The following AFAP1 variants were observed in gnomAD, a reference collection of about 807,000 sequenced individuals.
The protein encoded by AFAP1 is actin filament-associated protein 1.
In AFAP1, 75 loss-of-function variants were observed where a neutral mutation model predicts 93.9. That is an observed-to-expected ratio of 0.80 (90% confidence interval 0.66 to 0.97). The LOEUF (loss-of-function observed/expected upper bound fraction) is 0.97. AFAP1 is among the 50% of genes least tolerant of loss of function. The pLI is 0.00. For synonymous variants in AFAP1, 517 were observed against 430.7 expected, an observed-to-expected ratio of 1.20 and a Z score of -2.48; for missense variants, 1,201 against 1,050.8, an observed-to-expected ratio of 1.14 and a Z score of -1.98.
At chr4:7,769,689 A>G (rs62291984) in intron 16 of AFAP1, among the ~76,000 whole-genome samples, 31,860 of 152,160 alleles carry the variant, frequency 0.21, 4,367 homozygotes, top group Non-Finnish European at 0.3. Flanking sequence ...CTCTCAAATG[A>G]AGTCTCCAAG....
intron 8 of AFAP1, among the ~76,000 whole-genome samples, chr4:7,812,798 T>C (rs1464669699): frequency 6.6e-6 from 1 of 152,198 alleles, no homozygotes; most frequent in African/African-American, 2.4e-5. Flanking sequence ...TTTTTAGTAT[T>C]ATTATTTAGG....
intron 1 of AFAP1, among the ~76,000 whole-genome samples, chr4:7,887,704 G>A (rs990493035): frequency 3.3e-5 from 5 of 151,456 alleles, no homozygotes; most frequent in Non-Finnish European, 7.4e-5. Flanking sequence ...ACTCTTACTG[G>A]GCAACACATG....
chr4:7,803,913 CCA>C (rs1453542030), intron 9 of AFAP1, among the ~76,000 whole-genome samples: 3 of 152,130 alleles, frequency 2.0e-5, no homozygotes, highest in East Asian at 1.9e-4. Context: ...GCAGGTAAAT[CCA>C]CAGTCACCTG....
chr4:7,804,077 G>A (rs187839657), intron 9 of AFAP1, among the ~76,000 whole-genome samples: 1 of 152,290 alleles, frequency 6.6e-6, no homozygotes, highest in African/African-American at 2.4e-5. Context: ...TAGAGTCAGG[G>A]GGTCCTCTGG....
intron 3 of AFAP1, among the ~76,000 whole-genome samples, chr4:7,857,757 T>C (rs1030262537): frequency 3.9e-5 from 6 of 152,216 alleles, no homozygotes; most frequent in African/African-American, 1.4e-4. Context: ...AAACAAACTA[T>C]TCATGTCCTG....
At chr4:7,862,268 G>C (rs62289320) in intron 3 of AFAP1, 47,108 of 152,122 alleles carry the variant, frequency 0.31, 8,962 homozygotes, top group Non-Finnish European at 0.44. Context: ...GGGAGGTCAA[G>C]GCTGCAGTGA....
intron 1 of AFAP1, among the ~76,000 whole-genome samples, chr4:7,897,324 T>A (rs1718844688): frequency 6.6e-6 from 1 of 152,182 alleles, no homozygotes; most frequent in South Asian, 2.1e-4. Context: ...TAGGAAAACA[T>A]GTAAGAACTG....
In AFAP1 at chr4:7,780,633, G is replaced by C. The variant is rs930499971; in HGVS notation, c.1782+743C>G. On this transcript the variant is annotated intron_variant, in intron 13 of 17. Transcript: ENST00000420658. ...TCAAGTCCTGCCTGGGCAACATAGT[G>C]AGACTTCATCTTTTTTTTTTTTTTT... Among the ~76,000 whole-genome samples, 64 of 150,054 alleles carry C rather than the reference G, an allele frequency of 4.3e-4. 1 individual carries two copies. Among genetic ancestry groups the C allele is most frequent in the African/African-American group, 1.5e-3 (59 of 39,896 alleles).
intron 1 of AFAP1, among the ~76,000 whole-genome samples, chr4:7,935,252 G>A (rs1002503372): frequency 6.6e-6 from 1 of 152,126 alleles, no homozygotes; most frequent in Non-Finnish European, 1.5e-5. Flanking sequence ...GAGTTAGGCA[G>A]AACAGGTGTT....
At chr4:7,909,689 T>C (rs1456286440) in intron 1 of AFAP1, among the ~76,000 whole-genome samples, 1 of 152,184 alleles carries the variant, frequency 6.6e-6, no homozygotes, top group Admixed American at 6.5e-5. Context: ...ATGTGTATGA[T>C]TCAGGACTCC....
intron 11 of AFAP1, among the ~76,000 whole-genome samples, chr4:7,787,718 C>T (rs940508977): frequency 6.6e-6 from 1 of 152,150 alleles, no homozygotes; most frequent in Non-Finnish European, 1.5e-5. Context: ...GAGGGCAGGC[C>T]GGGCCACGCC....
At chr4:7,907,387 G>A (rs1358831706) in intron 1 of AFAP1, among the ~76,000 whole-genome samples, 1 of 152,308 alleles carries the variant, frequency 6.6e-6, no homozygotes, top group East Asian at 1.9e-4. Flanking sequence ...GCCTAAGGAA[G>A]ATGAATTGAA....
intron 4 of AFAP1, among the ~76,000 whole-genome samples, chr4:7,852,833 C>T (rs1279525183): frequency 3.9e-5 from 6 of 152,134 alleles, no homozygotes; most frequent in African/African-American, 1.2e-4. Context: ...AGGCCCCCAC[C>T]ATCTCACATA....
At chr4:7,883,486 A>T (rs1370433052) in intron 1 of AFAP1, among the ~76,000 whole-genome samples, 3 of 152,290 alleles carry the variant, frequency 2.0e-5, no homozygotes, top group Non-Finnish European at 4.4e-5. Flanking sequence ...AAACAAGTCA[A>T]AGAGGCCCAT....
chr4:7,855,588 GAA>G lies in AFAP1; in HGVS notation c.226-16_226-15del, dbSNP rs1560201877. On this transcript the variant is annotated splice_polypyrimidine_tract_variant and intron_variant, in intron 3 of 17. Coordinates refer to ENST00000420658, the MANE Select transcript of AFAP1 (RefSeq NM_001134647.2). ...ACTGTCAGGAGGCTGAGGAAGAAAG[GAA>G]AAGTGACACAGAAATTAGCATGACC... The G allele has an allele frequency of 6.3e-7, 1 of 1,578,824 alleles. No individual in the cohort carries two copies. The highest frequency in any genetic ancestry group is 1.3e-5 in the African/African-American group (1 of 74,218).
chr4:7,784,448 A>G (rs905585872), intron 12 of AFAP1, among the ~76,000 whole-genome samples: 2 of 152,150 alleles, frequency 1.3e-5, no homozygotes, highest in Non-Finnish European at 2.9e-5. Context: ...GACAAAGACA[A>G]TCGCTTCACC....
chr4:7,830,033 GC>G (rs1287873538), intron 6 of AFAP1, among the ~76,000 whole-genome samples: 6 of 152,236 alleles, frequency 3.9e-5, no homozygotes, highest in African/African-American at 1.4e-4. Flanking sequence ...AAATGTTATA[GC>G]CTGTAATAAA....
intron 8 of AFAP1, among the ~76,000 whole-genome samples, chr4:7,812,375 C>G (rs774777893): frequency 6.6e-6 from 1 of 151,988 alleles, no homozygotes; most frequent in African/African-American, 2.4e-5. Flanking sequence ...AGTGCTTGCT[C>G]GACTCTGACT....
At chr4:7,906,940 T>A (rs1229119928) in intron 1 of AFAP1, among the ~76,000 whole-genome samples, 1 of 150,880 alleles carries the variant, frequency 6.6e-6, no homozygotes, top group Non-Finnish European at 1.5e-5. Context: ...AGGCGGAGGT[T>A]GCAGTGAGCT....
Sources: allele counts gnomAD v4.1 joint callset (sites outside exome capture counted in the v4.1 genomes callset), GRCh38; gene constraint gnomAD v4.1.1; transcripts MANE v1.5; gene names NCBI Gene and HGNC (gene_info 2026-07-23, HGNC 2026-07-21).